Variants in RNF216 observed in about 807,000 individuals in gnomAD.
The protein encoded by RNF216 is E3 ubiquitin-protein ligase RNF216.
A neutral mutation model predicts 110.8 loss-of-function variants in RNF216; 72 were observed. The ratio of observed to expected loss-of-function variants is 0.65; its 90% CI spans 0.54 to 0.79. The LOEUF (loss-of-function observed/expected upper bound fraction) is 0.79, where lower values mean the gene tolerates loss of function less well. RNF216 is among the 30% of genes least tolerant of loss of function. The pLI, the probability that RNF216 is intolerant of heterozygous loss-of-function variation, is 0.00. For synonymous variants in RNF216, 495 were observed against 407.5 expected, an observed-to-expected ratio of 1.21 and a Z score of -2.59; for missense variants, 1,342 against 1,141.2, an observed-to-expected ratio of 1.18 and a Z score of -2.54.
At position 5,624,825 on chromosome 7, in the gene RNF216, CA is replaced by C. The variant is rs1307459091; in HGVS notation, c.2383-701del. ...GATGTGGGAGCTGTGCTGGGAAACT[CA>C]GGGGCCACACTGGGCAAGCCCCAGA... On this transcript the variant is annotated intron_variant, in intron 15 of 16. Coordinates refer to ENST00000389902, the MANE Select transcript of RNF216 (RefSeq NM_207111.4). This position sits in a 1 kb window ranked among gnomAD's most constrained non-coding sequence, Gnocchi z 4.4. Among the ~76,000 whole-genome samples, 2 of 152,244 alleles carry C rather than the reference CA, an allele frequency of 1.3e-5. No individual in the cohort carries two copies. Among genetic ancestry groups the C allele is most frequent in the Non-Finnish European group, 1.5e-5 (1 of 68,036 alleles).
intron 3 of RNF216, 67 bp downstream of exon 3, chr7:5,752,779 A>G (rs1795399233): frequency 6.4e-7 from 1 of 1,557,362 alleles, no homozygotes; most frequent in Non-Finnish European, 8.7e-7. Context: ...AAGGCCCACA[A>G]GAGTGGCTGA....
At position 5,641,220 on chromosome 7, in the gene RNF216, T is replaced by C. The variant is rs141635295; in HGVS notation, c.2316A>G (p.Gln772=). 2.6e-4 allele frequency: 413 copies of C among 1,614,076 alleles called. 2 individuals are homozygous for C. Among genetic ancestry groups the C allele is most frequent in the Non-Finnish European group, 3.4e-4 (399 of 1,180,046 alleles). ...VSINGYDHFC[Q]HPRSPGAPCQ... ...AAGGGGCTCCTGGTGAGCGGGGATG[T>C]TGGCAGAAATGGTCATATCCATTAA... Residue 772 remains glutamine, a synonymous_variant, in exon 15 of 17, where the codon CAA becomes CAG. Coordinates refer to ENST00000389902, the MANE Select transcript of RNF216 (RefSeq NM_207111.4).
At chr7:5,743,865 A>AG (rs1284811585) in intron 3 of RNF216, among the ~76,000 whole-genome samples, 1 of 152,180 alleles carries the variant, frequency 6.6e-6, no homozygotes, top group Admixed American at 6.5e-5. Context: ...CAGCGTGGAG[A>AG]GTTTAACTCC....
chr7:5,750,077 T>G (rs1209239306), intron 3 of RNF216, among the ~76,000 whole-genome samples: 1 of 152,262 alleles, frequency 6.6e-6, no homozygotes, highest in African/African-American at 2.4e-5. Flanking sequence ...TATTCTTATT[T>G]TTATGGCAAT....
At chr7:5,750,852 G>A (rs574278759) in intron 3 of RNF216, among the ~76,000 whole-genome samples, 4 of 152,250 alleles carry the variant, frequency 2.6e-5, no homozygotes, top group Admixed American at 2.6e-4. Flanking sequence ...TGCACTCCCC[G>A]CTTTAATTTA....
intron 5 of RNF216, among the ~76,000 whole-genome samples, chr7:5,736,937 C>T (rs1250746808): frequency 3.6e-5 from 5 of 139,910 alleles, no homozygotes; most frequent in South Asian, 2.4e-4. Flanking sequence ...CCGCCCCGTC[C>T]GGGAGGTGGG....
At chr7:5,742,009 T>C (rs1484764701) in intron 3 of RNF216, among the ~76,000 whole-genome samples, 194 bp from the exon 4 acceptor site, 1 of 152,162 alleles carries the variant, frequency 6.6e-6, no homozygotes, top group Non-Finnish European at 1.5e-5. Context: ...ATCAAAGTAG[T>C]CATTCATAGA....
At chr7:5,688,832 T>A (rs1219825391) in intron 13 of RNF216, among the ~76,000 whole-genome samples, 1 of 152,048 alleles carries the variant, frequency 6.6e-6, no homozygotes, top group Admixed American at 6.5e-5. Flanking sequence ...CTCTTAATAA[T>A]ATGATACGAA....
chr7:5,644,783 T>C (rs190281370), intron 14 of RNF216, among the ~76,000 whole-genome samples: 67 of 152,156 alleles, frequency 4.4e-4, no homozygotes, highest in African/African-American at 1.6e-3. Context: ...TGGGATTACA[T>C]GCATGAGCCA....
intron 13 of RNF216, among the ~76,000 whole-genome samples, chr7:5,667,093 A>G (rs921074941): frequency 2.0e-5 from 3 of 152,190 alleles, no homozygotes; most frequent in African/African-American, 7.2e-5. Context: ...GTTGTGAGGC[A>G]CTGTGCCTGG....
chr7:5,741,145 T>C lies in RNF216; in HGVS notation c.872A>G (p.Gln291Arg), dbSNP rs1794730776. The C allele has an allele frequency of 1.2e-6, 2 of 1,614,008 alleles. No homozygotes were observed. The highest frequency in any genetic ancestry group is 2.2e-5 in the South Asian group (2 of 91,080). ...QGGISGPSSPQPAHPLGEFED... is the reference protein window; with the variant it reads ...QGGISGPSSPRPAHPLGEFED... The stretch of plus-strand genomic sequence containing the variant: ...AAACTCTCCTAGAGGATGGGCAGGC[T>C]GAGGAGAAGAGGGGCCTGAAATCCC... Residue 291 changes from glutamine to arginine, a missense_variant, in exon 4 of 17, where the codon CAG becomes CGG. By Grantham distance (43) the Gln-to-Arg change is conservative. Coordinates refer to ENST00000389902, the MANE Select transcript of RNF216 (RefSeq NM_207111.4).
intron 13 of RNF216, among the ~76,000 whole-genome samples, chr7:5,665,632 C>T (rs1175663603): frequency 6.6e-6 from 1 of 151,864 alleles, no homozygotes; most frequent in African/African-American, 2.4e-5. Flanking sequence ...CACATAGCTG[C>T]CGGCTTTTTA....
At chr7:5,721,799 G>A (rs1042176445) in intron 8 of RNF216, among the ~76,000 whole-genome samples, 2 of 152,220 alleles carry the variant, frequency 1.3e-5, no homozygotes, top group African/African-American at 4.8e-5. Context: ...ACAAGGGGCT[G>A]AAGGAACAGT....
intron 13 of RNF216, among the ~76,000 whole-genome samples, chr7:5,673,348 G>C (rs1391693927): frequency 1.3e-5 from 2 of 152,338 alleles, no homozygotes; most frequent in South Asian, 2.1e-4. Flanking sequence ...ACAGAATGGA[G>C]TGGGCTGGAG....
chr7:5,745,344 A>G (rs1298054755), intron 3 of RNF216, among the ~76,000 whole-genome samples: 1 of 152,240 alleles, frequency 6.6e-6, no homozygotes, highest in African/African-American at 2.4e-5. Context: ...ACATAACTAA[A>G]GAAATGGTAT....
intron 13 of RNF216, among the ~76,000 whole-genome samples, chr7:5,688,439 G>T (rs1203194082): frequency 6.6e-6 from 1 of 152,158 alleles, no homozygotes; most frequent in African/African-American, 2.4e-5. Flanking sequence ...TCGTATCTCT[G>T]TTGACACTAG....
intron 13 of RNF216, among the ~76,000 whole-genome samples, chr7:5,683,913 T>C (rs779797598): frequency 7.2e-5 from 11 of 151,980 alleles, no homozygotes; most frequent in Non-Finnish European, 1.3e-4. Flanking sequence ...GCACAGAGAA[T>C]AGGGACGGGC....
At chr7:5,676,176 A>T (rs1790279479) in intron 13 of RNF216, among the ~76,000 whole-genome samples, 1 of 151,184 alleles carries the variant, frequency 6.6e-6, no homozygotes, top group African/African-American at 2.4e-5. Flanking sequence ...GGCCCGGCTA[A>T]TTTTTTTGTA....
At chr7:5,730,584 T>A (rs1364912925) in intron 6 of RNF216, 131 bp downstream of exon 6, 1 of 1,205,916 alleles carries the variant, frequency 8.3e-7, no homozygotes, top group Non-Finnish European at 1.2e-6. Context: ...TGAAATCCTA[T>A]GTCCCTCGGC....
Sources: allele counts gnomAD v4.1 joint callset (sites outside exome capture counted in the v4.1 genomes callset), GRCh38; gene constraint gnomAD v4.1.1; non-coding constraint Gnocchi (gnomAD v3.1); transcripts MANE v1.5; gene names NCBI Gene and HGNC (gene_info 2026-07-23, HGNC 2026-07-21).